The following CDC45 variants were observed in gnomAD, a reference collection of about 807,000 sequenced individuals.
CDC45 encodes cell division cycle 45, also known as cell division control protein 45 homolog.
Under a neutral mutation model 77.8 loss-of-function variants are expected in CDC45, and 54 were observed. The observed-to-expected ratio is 0.69, with a 90% CI of 0.56 to 0.87. CDC45 has a LOEUF of 0.87. Among genes scored for constraint, CDC45 ranks in the 40% least tolerant of loss-of-function variants. The pLI is 0.00. For synonymous variants in CDC45, 260 were observed against 272.1 expected (o/e 0.96, Z 0.44); for missense variants, 649 against 721.6 (o/e 0.90, Z 1.15).
chr22:19,479,991 A>T lies in CDC45; in HGVS notation c.23A>T (p.Lys8Ile), dbSNP rs751141981. 1 of 1,613,822 alleles carries T rather than the reference A, an allele frequency of 6.2e-7. No homozygotes were observed. The highest frequency in any genetic ancestry group is 1.3e-5 in the African/African-American group (1 of 75,034). ...GCTATGTTCGTGTCCGATTTCCGCA[A>T]AGAGTTCTACGAGGTGGTCCAGAGC... MFVSDFR[K>I]EFYEVVQSQR... Residue 8 changes from lysine (K) to isoleucine (I), a missense_variant, in exon 1 of 19, where the codon AAA (lysine) becomes ATA (isoleucine). Transcript: ENST00000263201.
intron 2 of CDC45, 52 bp downstream of exon 2, chr22:19,480,269 C>T (rs773221544): frequency 9.1e-6 from 14 of 1,537,020 alleles, no homozygotes; most frequent in Middle Eastern, 1.7e-4. Context: ...GGTGAGGGTG[C>T]TGCGTGGGGG....
At chr22:19,486,971 C>T (rs1048118960) in intron 5 of CDC45, among the ~76,000 whole-genome samples, 5 of 151,432 alleles carry the variant, frequency 3.3e-5, no homozygotes, top group African/African-American at 7.3e-5. Flanking sequence ...CCACCGTGCC[C>T]GGCTGCTTTT....
At chr22:19,502,733 CCTTT>C (rs1272566307) in intron 9 of CDC45, among the ~76,000 whole-genome samples, 1 of 152,128 alleles carries the variant, frequency 6.6e-6, no homozygotes, top group Non-Finnish European at 1.5e-5. Flanking sequence ...AAAAACTTAC[CCTTT>C]CTTTTTTTCT....
At chr22:19,480,334 A>C in intron 2 of CDC45, 117 bp downstream of exon 2, 2 of 963,980 alleles carry the variant, frequency 2.1e-6, no homozygotes, top group Non-Finnish European at 3.3e-6. Context: ...TGGGAGAGGG[A>C]GCAGGGCAGG....
Position 19,487,248 on chromosome 22 carries a change from C to T in CDC45, c.486+3243C>T, listed in dbSNP as rs111292005. ...CGGAGGTTGTAGTGGGCCAAGATCA[C>T]GCCACTGCACTCCAGCCTGGGCGAC... On this transcript the variant is annotated intron_variant, in intron 5 of 18. Transcript: ENST00000263201. Among the ~76,000 whole-genome samples, 402 of 149,208 alleles carry T rather than the reference C, an allele frequency of 2.7e-3. 2 individuals carry two copies. The highest frequency in any genetic ancestry group is 9.5e-3 in the African/African-American group (381 of 40,312).
At chr22:19,507,582 C>G in intron 11 of CDC45, 65 bp downstream of exon 11, 1 of 1,593,944 alleles carries the variant, frequency 6.3e-7, no homozygotes, top group African/African-American at 1.3e-5. Context: ...AGCCCCTCTG[C>G]TTTGTTGTGA....
chr22:19,480,317 C>CT, intron 2 of CDC45, 100 bp downstream of exon 2: 1 of 1,100,726 alleles, frequency 9.1e-7, no homozygotes, highest in Middle Eastern at 2.0e-4. Flanking sequence ...GTGCTGAGGG[C>CT]TTAGGGTGGG....
At position 19,479,941 on chromosome 22, in the gene CDC45, G is replaced by C. The variant is rs372934193; in HGVS notation, c.-28G>C. The C allele has an allele frequency of 6.2e-7, 1 of 1,612,226 alleles. No homozygotes were observed. The highest frequency in any genetic ancestry group is 8.5e-7 in the Non-Finnish European group (1 of 1,179,940). On this transcript the variant is annotated 5_prime_UTR_variant, in exon 1 of 19. Transcript: ENST00000263201. The stretch of plus-strand genomic sequence containing the variant: ...CGCCGGGCTCTTGGTACCTCAGCGC[G>C]AGCGCCAGGCGTCCGGCCGCCGTGG...
chr22:19,499,150 CAGTA>C lies in CDC45; in HGVS notation c.704+2_704+5del. 2 of 1,614,132 alleles carry C rather than the reference CAGTA, an allele frequency of 1.2e-6. No homozygotes were observed. Among genetic ancestry groups the C allele is most frequent in the East Asian group, 2.2e-5 (1 of 44,878 alleles). On this transcript the variant is annotated splice_donor_variant and splice_donor_region_variant and coding_sequence_variant and intron_variant, in exon 9 of 19. Transcript: ENST00000263201. LOFTEE classifies it high-confidence loss of function. ...CCAGTGGGTGCAAGACAAGATCACTCAGTAAGGACACACTCCCTTGCCTTGCAGG... is the reference window on the plus strand; with the variant it reads ...CCAGTGGGTGCAAGACAAGATCACTCAGGACACACTCCCTTGCCTTGCAGG...
At chr22:19,513,812 C>G (rs1401676953) in intron 13 of CDC45, among the ~76,000 whole-genome samples, 1 of 152,192 alleles carries the variant, frequency 6.6e-6, no homozygotes, top group Admixed American at 6.5e-5. Flanking sequence ...CAGAAAACAT[C>G]CGTGTTTTTT....
intron 3 of CDC45, 82 bp from the exon 4 acceptor site, chr22:19,482,608 G>A: frequency 1.4e-6 from 2 of 1,457,444 alleles, no homozygotes; most frequent in Non-Finnish European, 1.9e-6. Context: ...GTGAGTTTAA[G>A]CAGAACAACT....
intron 12 of CDC45, 133 bp downstream of exon 12, chr22:19,507,997 C>G (rs1427410744): frequency 3.2e-6 from 2 of 633,482 alleles, no homozygotes; most frequent in African/African-American, 3.7e-5. Flanking sequence ...AAAAAAACAA[C>G]AACCCGAGAA....
intron 5 of CDC45, among the ~76,000 whole-genome samples, chr22:19,489,659 CAA>C (rs1396786623): frequency 6.6e-6 from 1 of 152,088 alleles, no homozygotes; most frequent in Non-Finnish European, 1.5e-5. Context: ...TAAAAACAAA[CAA>C]TATTTATTAT....
In CDC45 at chr22:19,519,378, C is replaced by T. The variant is rs550701327; in HGVS notation, c.*1+469C>T. Among the ~76,000 whole-genome samples, 13 of 152,374 alleles carry T rather than the reference C, an allele frequency of 8.5e-5. 1 individual carries two copies. The South Asian group carries it at 1.7e-3, about 19-fold the overall frequency. ...AGCCGCTTAGCTGGGAATTCCAAAG[C>T]GCTGGTTCTGCTGGGGCCTTCACCA... On this transcript the variant is annotated intron_variant, in intron 18 of 18. Transcript: ENST00000263201.
intron 9 of CDC45, among the ~76,000 whole-genome samples, chr22:19,502,765 A>G (rs773205569): frequency 2.6e-5 from 4 of 152,246 alleles, no homozygotes; most frequent in Non-Finnish European, 4.4e-5. Flanking sequence ...CAAGTTTTCA[A>G]TGATTACATT....
At chr22:19,517,903 TC>T (rs910111867) in intron 17 of CDC45, among the ~76,000 whole-genome samples, 76 of 152,298 alleles carry the variant, frequency 5.0e-4, no homozygotes, top group African/African-American at 1.7e-3. Context: ...CCTCAGTACT[TC>T]CTGCACCTCT....
At chr22:19,519,484 AC>A (rs1933992039) in intron 18 of CDC45, among the ~76,000 whole-genome samples, 1 of 152,066 alleles carries the variant, frequency 6.6e-6, no homozygotes, top group African/African-American at 2.4e-5. Flanking sequence ...CCCATGTGCT[AC>A]CTCTTTCTTA....
At chr22:19,495,063 A>C (rs2090218749) in intron 6 of CDC45, among the ~76,000 whole-genome samples, 1 of 152,228 alleles carries the variant, frequency 6.6e-6, no homozygotes, top group Non-Finnish European at 1.5e-5. Context: ...AAAACAAACC[A>C]AAAAAGGATA....
intron 5 of CDC45, among the ~76,000 whole-genome samples, chr22:19,492,839 A>G (rs547669864): frequency 4.6e-5 from 7 of 152,256 alleles, no homozygotes; most frequent in Non-Finnish European, 1.0e-4. Context: ...TGGGGCAGTG[A>G]AGGTCCAGGC....
Sources: allele counts gnomAD v4.1 joint callset (sites outside exome capture counted in the v4.1 genomes callset), GRCh38; gene constraint gnomAD v4.1.1; transcripts MANE v1.5; gene names NCBI Gene and HGNC (gene_info 2026-07-23, HGNC 2026-07-21).